Variants in PDE8A observed in about 807,000 individuals in gnomAD.
PDE8A encodes the protein high affinity cAMP-specific and IBMX-insensitive 3',5'-cyclic phosphodiesterase 8A.
PDE8A carries 59 observed loss-of-function variants against 105.0 expected under a neutral mutation model. The observed-to-expected ratio is 0.56, with a 90% CI of 0.46 to 0.70. The LOEUF is 0.70. Ranked by LOEUF, PDE8A falls within the 30% of genes least tolerant of loss-of-function variation. The probability of loss-of-function intolerance (pLI) is 0.00; values close to 1 mark genes in which losing one functional copy is unlikely to be tolerated. For missense variants in PDE8A, 1,014 were observed against 1,045.9 expected, an observed-to-expected ratio of 0.97 and a Z score of 0.42; for synonymous variants, 355 against 371.9, an observed-to-expected ratio of 0.95 and a Z score of 0.52.
At chr15:85,009,102 AGAGAGAGAGTGTGTGT>A (rs770154233) in intron 1 of PDE8A, among the ~76,000 whole-genome samples, 396 of 76,706 alleles carry the variant, frequency 5.2e-3, no homozygotes, top group Middle Eastern at 0.039. Context: ...AGAGAGAGAG[AGAGAGAGAGTGTGTGT>A]GTGTGTGTGT....
At chr15:85,124,737 G>A (rs1166984907) in intron 19 of PDE8A, among the ~76,000 whole-genome samples, 2 of 152,144 alleles carry the variant, frequency 1.3e-5, no homozygotes, top group Non-Finnish European at 1.5e-5. Context: ...GCCTGTACCA[G>A]CCTGTTTTAT....
At chr15:85,063,614 C>G (rs1252278478) in intron 1 of PDE8A, 2 of 152,214 alleles carry the variant, frequency 1.3e-5, no homozygotes, top group Non-Finnish European at 2.9e-5. Flanking sequence ...CTACCACTTG[C>G]TGTGTGGTCT....
chr15:84,988,472 G>A (rs1456068382), intron 1 of PDE8A, among the ~76,000 whole-genome samples: 1 of 152,240 alleles, frequency 6.6e-6, no homozygotes, highest in African/African-American at 2.4e-5. Context: ...CCTGAAGCTA[G>A]ATATTTTGTG....
At chr15:85,120,730 A>G (rs1192009416) in intron 17 of PDE8A, 67 bp from the exon 18 acceptor site, 1 of 955,414 alleles carries the variant, frequency 1.0e-6, no homozygotes, top group Non-Finnish European at 1.6e-6. Flanking sequence ...GGAGAAAGAA[A>G]ACTATACAGA....
At chr15:85,029,511 CTTA>C (rs902705627) in intron 1 of PDE8A, among the ~76,000 whole-genome samples, 1 of 151,350 alleles carries the variant, frequency 6.6e-6, no homozygotes, top group Non-Finnish European at 1.5e-5. Context: ...TTTGTCTGAG[CTTA>C]TTACCTCTCT....
chr15:85,057,638 G>C (rs532473226), intron 1 of PDE8A, among the ~76,000 whole-genome samples: 1 of 152,332 alleles, frequency 6.6e-6, no homozygotes, highest in African/African-American at 2.4e-5. Context: ...CTGTAGACTG[G>C]AGCTGTTCCT....
At chr15:85,005,916 A>G (rs1045467396) in intron 1 of PDE8A, among the ~76,000 whole-genome samples, 2 of 152,230 alleles carry the variant, frequency 1.3e-5, no homozygotes, top group Non-Finnish European at 2.9e-5. Flanking sequence ...GTGGAAACAC[A>G]TGCCACAGGG....
intron 1 of PDE8A, among the ~76,000 whole-genome samples, chr15:84,983,842 A>T (rs1012559083): frequency 6.6e-6 from 1 of 152,216 alleles, no homozygotes; most frequent in Non-Finnish European, 1.5e-5. Context: ...TTTGTGGTGG[A>T]TTGGGTGTCC....
chr15:85,054,095 G>A (rs2081020212), intron 1 of PDE8A, among the ~76,000 whole-genome samples: 1 of 152,104 alleles, frequency 6.6e-6, no homozygotes. Context: ...TTTGTCTTTG[G>A]TTCTGTTTAT....
At chr15:84,998,287 T>C (rs1196276784) in intron 1 of PDE8A, among the ~76,000 whole-genome samples, 1 of 152,216 alleles carries the variant, frequency 6.6e-6, no homozygotes, top group Non-Finnish European at 1.5e-5. Flanking sequence ...GTCCTTTATC[T>C]CATGGCACCT....
chr15:85,127,629 A>G (rs1045960377), intron 20 of PDE8A, among the ~76,000 whole-genome samples: 7 of 152,324 alleles, frequency 4.6e-5, no homozygotes, highest in South Asian at 4.1e-4. Context: ...GATGACCAGA[A>G]CTTTACAGTG....
In PDE8A at chr15:85,079,016, AGAG is replaced by A. The variant is rs377049635; in HGVS notation, c.546+2233_546+2235del. On this transcript the variant is annotated intron_variant, in intron 5 of 21. Coordinates refer to ENST00000394553, the MANE Select transcript of PDE8A (RefSeq NM_002605.3). Reference sequence around the variant, plus strand: ...GAAATGAACTACAACAGAAATTTGAAGAGGAGAGGAGGGAAAAGTAGTGAGCTA... The same window carrying A: ...GAAATGAACTACAACAGAAATTTGAAGAGAGGAGGGAAAAGTAGTGAGCTA... Among the ~76,000 whole-genome samples the A allele has an allele frequency of 5.3e-5, 8 of 152,314 alleles. No individual in the cohort carries two copies. The South Asian group carries it at 1.2e-3, about 24-fold the overall frequency.
intron 12 of PDE8A, among the ~76,000 whole-genome samples, chr15:85,112,914 G>A (rs1482314471): frequency 6.6e-6 from 1 of 152,148 alleles, no homozygotes; most frequent in African/African-American, 2.4e-5. Flanking sequence ...GCACCAGAGG[G>A]TACCTTGAAA....
At chr15:85,023,429 A>G (rs1479727731) in intron 1 of PDE8A, among the ~76,000 whole-genome samples, 1 of 152,140 alleles carries the variant, frequency 6.6e-6, no homozygotes, top group Non-Finnish European at 1.5e-5. Flanking sequence ...TGTGGTGGGA[A>G]GGCCAGGGAG....
Position 85,126,221 on chromosome 15 carries a change from C to A in PDE8A, c.2100C>A (p.Asn700Lys). The change falls in exon 20 of 22, where the codon AAC becomes AAA. Residue 700 changes from asparagine (N) to lysine (K), a missense_variant. By Grantham distance (94) the Asn-to-Lys change is moderately conservative. Coordinates refer to ENST00000394553, the MANE Select transcript of PDE8A (RefSeq NM_002605.3). ...TCATGTTTCAGGAAACTGATAAAAA[C>A]CAGGAAGTGATAAACACTATGCTTA... is the stretch of plus-strand genomic sequence containing the variant. Reference protein sequence around the residue: ...TLEENGETDKNQEVINTMLRT... With the variant: ...TLEENGETDKKQEVINTMLRT... 6.2e-7 allele frequency: 1 copy of A among 1,602,888 alleles called. No individual in the cohort carries two copies. Among genetic ancestry groups the A allele is most frequent in the South Asian group, 1.1e-5 (1 of 88,894 alleles).
intron 20 of PDE8A, among the ~76,000 whole-genome samples, chr15:85,133,619 C>T (rs973974659): frequency 1.3e-5 from 2 of 152,150 alleles, no homozygotes; most frequent in African/African-American, 4.8e-5. Flanking sequence ...TTATTTTAGC[C>T]AGTCTCTCAT....
At chr15:84,984,089 T>G (rs2079764749) in intron 1 of PDE8A, among the ~76,000 whole-genome samples, 1 of 152,226 alleles carries the variant, frequency 6.6e-6, no homozygotes, top group African/African-American at 2.4e-5. Flanking sequence ...CTTAAAAAAT[T>G]GTTAACTGAT....
chr15:85,078,219 A>G (rs977154009), intron 5 of PDE8A, among the ~76,000 whole-genome samples: 1 of 150,496 alleles, frequency 6.6e-6, no homozygotes, highest in Non-Finnish European at 1.5e-5. Context: ...TGACACACAC[A>G]CTAACAGCTA....
intron 21 of PDE8A, among the ~76,000 whole-genome samples, chr15:85,137,126 T>C (rs933574060): frequency 7.2e-5 from 11 of 152,134 alleles, no homozygotes; most frequent in African/African-American, 2.4e-4. Context: ...AGAACTGATA[T>C]TCCACGTGCA....
Sources: allele counts gnomAD v4.1 joint callset (sites outside exome capture counted in the v4.1 genomes callset), GRCh38; gene constraint gnomAD v4.1.1; transcripts MANE v1.5; gene names NCBI Gene and HGNC (gene_info 2026-07-23, HGNC 2026-07-21).